OTX2: variants seen among roughly 807,000 people sequenced by gnomAD.
OTX2 encodes the protein homeobox protein OTX2.
A neutral mutation model predicts 29.0 loss-of-function variants in OTX2; 4 were observed. The ratio of observed to expected loss-of-function variants is 0.14; its 90% CI spans 0.07 to 0.32. The LOEUF (loss-of-function observed/expected upper bound fraction) is 0.32, where lower values mean the gene tolerates loss of function less well. OTX2 is among the 10% of genes least tolerant of loss of function. The pLI, the probability that OTX2 is intolerant of heterozygous loss-of-function variation, is 1.00. For synonymous variants in OTX2, 134 were observed against 141.0 expected, an observed-to-expected ratio of 0.95 and a Z score of 0.35; for missense variants, 298 against 365.9, an observed-to-expected ratio of 0.81 and a Z score of 1.51.
chr14:56,808,434 C>G (rs1225404455), intron 2 of OTX2, among the ~76,000 whole-genome samples: 1 of 151,878 alleles, frequency 6.6e-6, no homozygotes, highest in African/African-American at 2.4e-5. Context: ...GCGCTGGCCT[C>G]TCTCCGGCGA....
rs1594953331 is a variant in OTX2, at chr14:56,802,795, C to T, written c.274-440G>A. Among the ~76,000 whole-genome samples the T allele has an allele frequency of 2.6e-5, 4 of 152,276 alleles. No homozygotes were observed. In the South Asian group the frequency reaches 8.3e-4, roughly 32 times the overall value. ...GTTGTTACAGGCTAACAGGAACAGCCTAAATTCATTTACAGTTCATCTTCC... is the reference window on the plus strand; with the variant it reads ...GTTGTTACAGGCTAACAGGAACAGCTTAAATTCATTTACAGTTCATCTTCC... On this transcript the variant is annotated intron_variant, in intron 4 of 4. Transcript: ENST00000672264. This position sits in a 1 kb window ranked among gnomAD's most constrained non-coding sequence, Gnocchi z 4.4.
rs567438335 is a variant in OTX2, at chr14:56,807,327, A to T, written c.-119-1752T>A. On this transcript the variant is annotated intron_variant, in intron 2 of 4. Transcript: ENST00000672264. The stretch of plus-strand genomic sequence containing the variant: ...CGACAGCTTTAAAATACAGTTGTAT[A>T]TGTGTTTAAACAGCCTCTAAACTGG... Among the ~76,000 whole-genome samples, 3 of 152,238 alleles carry T rather than the reference A, an allele frequency of 2.0e-5. No individual in the cohort carries two copies. In the East Asian group the frequency reaches 5.8e-4, roughly 30 times the overall value.
rs1222352726 is a variant in OTX2, at chr14:56,804,164, T to C, written c.273+24A>G. The C allele has an allele frequency of 6.2e-7, 1 of 1,613,618 alleles. No homozygotes were observed. The highest frequency in any genetic ancestry group is 8.5e-7 in the Non-Finnish European group (1 of 1,179,534). On this transcript the variant is annotated intron_variant, in intron 4 of 4. Coordinates refer to ENST00000672264, the MANE Select transcript of OTX2 (RefSeq NM_021728.4). The surrounding 1 kb of genome is among the most constrained non-coding windows in gnomAD (Gnocchi z 4.1). ...GGAAGGGTGGCATGATCAGGAAGGA[T>C]GGTTCTGCCTGCATCTGCCCTACCT...
At position 56,804,478 on chromosome 14, in the gene OTX2, T is replaced by C. The variant is rs1029018787; in HGVS notation, c.98-115A>G. 2.0e-6 allele frequency: 2 copies of C among 1,004,288 alleles called. No individual in the cohort carries two copies. The highest frequency in any genetic ancestry group is 2.9e-6 in the Non-Finnish European group (2 of 697,556). The allele number at this position is 1,004,288 out of a possible 1,614,324, so 62.2% of individuals were successfully genotyped here. On this transcript the variant is annotated intron_variant, in intron 3 of 4. Transcript: ENST00000672264. This position sits in a 1 kb window ranked among gnomAD's most constrained non-coding sequence, Gnocchi z 4.1. ...CCTCACAGCCCTTCAGCCGGGAGCC[T>C]ACCAATGCTCTCCCCACCGTCTCCC...
In OTX2 at chr14:56,804,158, G is replaced by A. The variant is rs746394503; in HGVS notation, c.273+30C>T. 1 of 1,613,496 alleles carries A rather than the reference G, an allele frequency of 6.2e-7. No homozygotes were observed. Among genetic ancestry groups the A allele is most frequent in the Non-Finnish European group, 8.5e-7 (1 of 1,179,470 alleles). The stretch of plus-strand genomic sequence containing the variant: ...TACTCGGGAAGGGTGGCATGATCAG[G>A]AAGGATGGTTCTGCCTGCATCTGCC... On this transcript the variant is annotated intron_variant, in intron 4 of 4. Transcript: ENST00000672264. The surrounding 1 kb of genome is among the most constrained non-coding windows in gnomAD (Gnocchi z 4.1).
rs1892003601 is a variant in OTX2 at position 56,804,385 on chromosome 14, T to C, written c.98-22A>G. 3.7e-6 allele frequency: 6 copies of C among 1,608,502 alleles called. No individual in the cohort carries two copies. The African/African-American group carries it at 8.0e-5, about 22-fold the overall frequency. On this transcript the variant is annotated intron_variant, in intron 3 of 4. Transcript: ENST00000672264. The surrounding 1 kb of genome is among the most constrained non-coding windows in gnomAD (Gnocchi z 4.1). ...GGCCCTTTAGGGTGGGGGAGCAGTT[T>C]CTCAGTCATAGGCGTTTCCGCGGGT...
chr14:56,801,469 G>C lies in OTX2; in HGVS notation c.*266C>G. On this transcript the variant is annotated 3_prime_UTR_variant, in exon 5 of 5. Transcript: ENST00000672264. The surrounding 1 kb of genome is among the most constrained non-coding windows in gnomAD (Gnocchi z 4.2). ...GGTGGTGTTTGGTTGCACATGGCTA[G>C]AATGCTTTTGATCACTTTGCAAATC... The C allele has an allele frequency of 1.9e-6, 1 of 524,202 alleles. No homozygotes were observed. 32.5% of individuals were successfully genotyped at this position (524,202 alleles called of 1,614,324 possible). A position where few individuals can be genotyped will look rare whatever the true frequency, so the allele number is the denominator to read the frequency against.
chr14:56,806,349 C>A (rs1594956848), intron 2 of OTX2, among the ~76,000 whole-genome samples: 2 of 152,108 alleles, frequency 1.3e-5, no homozygotes, highest in African/African-American at 2.4e-5. Context: ...GTCTAAGGAA[C>A]GAAAGCTAAA....
rs1463821799 is a variant in OTX2 at position 56,801,647 on chromosome 14, T to C, written c.*88A>G. Reference sequence around the variant, plus strand: ...AGATGAGTCTGAGCATCATCCCATCTAACTCTTTTAACCAATGCCTGGCTA... The same window carrying C: ...AGATGAGTCTGAGCATCATCCCATCCAACTCTTTTAACCAATGCCTGGCTA... On this transcript the variant is annotated 3_prime_UTR_variant, in exon 5 of 5. Coordinates refer to ENST00000672264, the MANE Select transcript of OTX2 (RefSeq NM_021728.4). This position sits in a 1 kb window ranked among gnomAD's most constrained non-coding sequence, Gnocchi z 4.2. 1.4e-6 allele frequency: 2 copies of C among 1,441,632 alleles called. No individual in the cohort carries two copies. Among genetic ancestry groups the C allele is most frequent in the Admixed American group, 1.7e-5 (1 of 59,698 alleles). The allele number at this position is 1,441,632 out of a possible 1,614,324, so 89.3% of individuals were successfully genotyped here.
chr14:56,807,958 G>A (rs984662847), intron 2 of OTX2, among the ~76,000 whole-genome samples: 10 of 151,986 alleles, frequency 6.6e-5, no homozygotes, highest in Non-Finnish European at 7.4e-5. Context: ...CCTGGGTCCC[G>A]CGTTCCTGCC....
In OTX2 at chr14:56,802,028, T is replaced by C. The variant is rs748910557; in HGVS notation, c.601A>G (p.Thr201Ala). 2.5e-6 allele frequency: 4 copies of C among 1,614,008 alleles called. No individual in the cohort carries two copies. The Admixed American group carries it at 5.0e-5, about 20-fold the overall frequency. The part of the protein sequence containing the change: ...SGYSQGYAGS[T>A]SYFGGMDCGS... ...CAGTCCATGCCCCCAAAGTAGGAAG[T>C]TGAGCCAGCATATCCTTGACTATAA... Residue 201 changes from threonine to alanine, a missense_variant, in exon 5 of 5, where the codon ACT becomes GCT. Thr to Ala is a moderately conservative substitution (Grantham distance 58). This residue lies in a region of OTX2 where 219 missense variants were observed against 223.5 expected (regional missense o/e 0.98). Transcript: ENST00000672264. The surrounding 1 kb of genome is among the most constrained non-coding windows in gnomAD (Gnocchi z 4.4).
rs1891824042 is a variant in OTX2, at chr14:56,800,097, T to G, written c.*1638A>C. 6.6e-6 allele frequency: 1 copy of G among 152,144 alleles called. No homozygotes were observed. Among genetic ancestry groups the G allele is most frequent in the East Asian group, 1.9e-4 (1 of 5,196 alleles). 9.4% of individuals were successfully genotyped at this position (152,144 alleles called of 1,614,324 possible). On this transcript the variant is annotated 3_prime_UTR_variant, in exon 5 of 5. Transcript: ENST00000672264. ...GCAGGTACAACTGAAAAGGGACCCA[T>G]TTTTTCCCCCTCGGCACTTTCTTAA...
At chr14:56,807,388 C>A (rs571574976) in intron 2 of OTX2, among the ~76,000 whole-genome samples, 2 of 152,186 alleles carry the variant, frequency 1.3e-5, no homozygotes, top group South Asian at 4.2e-4. Context: ...TACTACCTTG[C>A]AAAATTCTGA....
chr14:56,804,528 G>C lies in OTX2; in HGVS notation c.98-165C>G, dbSNP rs1594954925. On this transcript the variant is annotated intron_variant, in intron 3 of 4. Transcript: ENST00000672264. The surrounding 1 kb of genome is among the most constrained non-coding windows in gnomAD (Gnocchi z 4.1). The stretch of plus-strand genomic sequence containing the variant: ...CCAGCCTTGCTCCCCGGGGACCCAG[G>C]ACACACGCTGCTTCTTTCCCTACTC... Among the ~76,000 whole-genome samples the C allele has an allele frequency of 6.6e-6, 1 of 151,942 alleles. No individual in the cohort carries two copies. The highest frequency in any genetic ancestry group is 1.5e-5 in the Non-Finnish European group (1 of 67,964).
At chr14:56,805,300 G>A in intron 3 of OTX2, 60 bp downstream of exon 3, 1 of 1,107,516 alleles carries the variant, frequency 9.0e-7, no homozygotes, top group Admixed American at 1.7e-5. Context: ...ACAGGGTGTT[G>A]CATCCCCGGA....
intron 2 of OTX2, 90 bp downstream of exon 2, chr14:56,810,069 A>T (rs2139547578): frequency 6.6e-6 from 1 of 152,240 alleles, no homozygotes; most frequent in East Asian, 1.9e-4. Context: ...GCAGAGGGGC[A>T]TCGGTCGGTC....
Position 56,810,373 on chromosome 14 carries a change from T to C in OTX2, c.-184+3A>G, listed in dbSNP as rs1034347443. 6.6e-6 allele frequency: 1 copy of C among 152,164 alleles called. No homozygotes were observed. The highest frequency in any genetic ancestry group is 2.4e-5 in the African/African-American group (1 of 41,430). 9.4% of individuals were successfully genotyped at this position (152,164 alleles called of 1,614,324 possible). ...CACGCGTGGGCCCCTCTGCAATACA[T>C]ACAAAGTAGATGTGGCGAGTGAGGG... On this transcript the variant is annotated splice_donor_region_variant and intron_variant, in intron 1 of 4. Transcript: ENST00000672264.
intron 2 of OTX2, among the ~76,000 whole-genome samples, chr14:56,807,319 A>C (rs1430464740): frequency 6.6e-6 from 1 of 152,100 alleles, no homozygotes; most frequent in Admixed American, 6.5e-5. Context: ...TTTAAAATAC[A>C]GTTGTATATG....
chr14:56,806,365 A>G (rs1384098504), intron 2 of OTX2, among the ~76,000 whole-genome samples: 1 of 152,232 alleles, frequency 6.6e-6, no homozygotes, highest in Non-Finnish European at 1.5e-5. Context: ...CTAAACAAAC[A>G]AGTATTTAAC....
Sources: allele counts gnomAD v4.1 joint callset (sites outside exome capture counted in the v4.1 genomes callset), GRCh38; gene constraint gnomAD v4.1.1; regional missense constraint gnomAD v4.1.1; non-coding constraint Gnocchi (gnomAD v3.1); transcripts MANE v1.5; gene names NCBI Gene and HGNC (gene_info 2026-07-23, HGNC 2026-07-21).